TRANK1: variants seen among roughly 807,000 people sequenced by gnomAD.
The protein encoded by TRANK1 is TPR and ankyrin repeat-containing protein 1.
TRANK1 carries 198 observed loss-of-function variants against 266.0 expected under a neutral mutation model. The observed-to-expected ratio is 0.74, with a 90% CI of 0.66 to 0.84. The LOEUF is 0.84. Among genes scored for constraint, TRANK1 ranks in the 40% least tolerant of loss-of-function variants. The pLI is 0.00. For synonymous variants in TRANK1, 1,396 were observed against 1,384.1 expected (o/e 1.01, Z -0.19); for missense variants, 3,326 against 3,634.6 (o/e 0.92, Z 2.18).
At chr3:36,861,993 C>T (rs1251124762) in intron 10 of TRANK1, among the ~76,000 whole-genome samples, 1 of 152,176 alleles carries the variant, frequency 6.6e-6, no homozygotes, top group Non-Finnish European at 1.5e-5. Context: ...GCGTGAGCCA[C>T]TGCACCCGGC....
At position 36,855,155 on chromosome 3, in the gene TRANK1, C is replaced by T; in HGVS notation, c.4549+18G>A. On this transcript the variant is annotated intron_variant, in intron 13 of 23. Coordinates refer to ENST00000645898, the MANE Select transcript of TRANK1 (RefSeq NM_001329998.2). ...TGCCTAAGCACCCCCAGTAGGCAAA[C>T]CCAAGAGCTGGACTTACCTGAGTGG... The T allele has an allele frequency of 2.5e-6, 4 of 1,590,068 alleles. No homozygotes were observed. Among genetic ancestry groups the T allele is most frequent in the Non-Finnish European group, 3.4e-6 (4 of 1,164,540 alleles).
At chr3:36,874,648 C>T (rs1373969160) in intron 8 of TRANK1, among the ~76,000 whole-genome samples, 1 of 152,106 alleles carries the variant, frequency 6.6e-6, no homozygotes, top group African/African-American at 2.4e-5. Flanking sequence ...TCTTTATTCC[C>T]TAGAGAGGAA....
chr3:36,883,637 T>C (rs2079562540), intron 8 of TRANK1, among the ~76,000 whole-genome samples: 1 of 151,708 alleles, frequency 6.6e-6, no homozygotes, highest in Non-Finnish European at 1.5e-5. Context: ...TGATTATCTA[T>C]AAGGCTGGAT....
chr3:36,892,394 G>T (rs1285609832), intron 6 of TRANK1, 54 bp from the exon 7 acceptor site: 4 of 1,528,684 alleles, frequency 2.6e-6, no homozygotes, highest in Non-Finnish European at 3.5e-6. Flanking sequence ...TCAATATGAA[G>T]CTTCAAACTC....
intron 15 of TRANK1, chr3:36,850,665 G>A: frequency 1.2e-6 from 1 of 869,140 alleles, no homozygotes; most frequent in Non-Finnish European, 1.4e-6. Context: ...TATAACCTCA[G>A]AGGGTTGGTG....
At chr3:36,941,102 A>G (rs550432201) in intron 1 of TRANK1, among the ~76,000 whole-genome samples, 1 of 152,312 alleles carries the variant, frequency 6.6e-6, no homozygotes, top group Non-Finnish European at 1.5e-5. Context: ...TTCTTGCCCC[A>G]GTGAATGAAG....
At chr3:36,941,715 TGTAACCA>T (rs1413010207) in intron 1 of TRANK1, among the ~76,000 whole-genome samples, 1 of 152,250 alleles carries the variant, frequency 6.6e-6, no homozygotes, top group East Asian at 1.9e-4. Flanking sequence ...TCCCCATCGC[TGTAACCA>T]GCCCGACTAT....
rs558762152 is a variant in TRANK1, at chr3:36,849,901, A to T, written c.4887+1818T>A. 3 of 462,324 alleles carry T rather than the reference A, an allele frequency of 6.5e-6. No homozygotes were observed. The East Asian group carries it at 4.6e-4, about 72-fold the overall frequency. The allele number at this position is 462,324 out of a possible 1,614,324, so 28.6% of individuals were successfully genotyped here. A position where few individuals can be genotyped will look rare whatever the true frequency, so the allele number is the denominator to read the frequency against. On this transcript the variant is annotated intron_variant, in intron 15 of 23. Coordinates refer to ENST00000645898, the MANE Select transcript of TRANK1 (RefSeq NM_001329998.2). ...TTACTGTGTACACAGGATGAAGTGG[A>T]TGTTTACAAAAGATTCTGTTTGGGA...
At chr3:36,897,272 T>C (rs1236372932) in intron 4 of TRANK1, among the ~76,000 whole-genome samples, 2 of 152,128 alleles carry the variant, frequency 1.3e-5, no homozygotes, top group African/African-American at 4.8e-5. Context: ...GCCACTGCAC[T>C]CCAGCCTGGC....
At chr3:36,923,700 G>C (rs1269283472) in intron 1 of TRANK1, among the ~76,000 whole-genome samples, 1 of 152,088 alleles carries the variant, frequency 6.6e-6, no homozygotes, top group Admixed American at 6.6e-5. Context: ...TCTCCAGTCA[G>C]CACCCTCCGA....
intron 13 of TRANK1, among the ~76,000 whole-genome samples, chr3:36,852,775 T>TAAA (rs761417309): frequency 3.3e-5 from 4 of 120,222 alleles, no homozygotes; most frequent in South Asian, 2.7e-4. Context: ...CCATCTCAAT[T>TAAA]AAAAAAAAAA....
At chr3:36,889,325 C>T (rs576015963) in intron 8 of TRANK1, among the ~76,000 whole-genome samples, 10 of 152,304 alleles carry the variant, frequency 6.6e-5, no homozygotes, top group African/African-American at 2.4e-4. Flanking sequence ...ACATGGTGCA[C>T]CGGTGTCAGA....
At chr3:36,932,296 T>C (rs1340601621) in intron 1 of TRANK1, among the ~76,000 whole-genome samples, 1 of 152,010 alleles carries the variant, frequency 6.6e-6, no homozygotes, top group Non-Finnish European at 1.5e-5. Flanking sequence ...CACAGCAGAG[T>C]GCAGTGGCTC....
chr3:36,880,015 C>T (rs183946369), intron 8 of TRANK1, among the ~76,000 whole-genome samples: 5 of 20,592 alleles, frequency 2.4e-4, no homozygotes, highest in Non-Finnish European at 2.8e-4. Flanking sequence ...TATATGTAAA[C>T]ATGCAAATAT....
chr3:36,901,318 C>G (rs999064737), intron 3 of TRANK1, among the ~76,000 whole-genome samples: 2 of 152,016 alleles, frequency 1.3e-5, no homozygotes, highest in Non-Finnish European at 2.9e-5. Context: ...GTTTTATGGC[C>G]ATGAAGAAGA....
At chr3:36,940,102 G>A (rs1359354172) in intron 1 of TRANK1, among the ~76,000 whole-genome samples, 1 of 151,508 alleles carries the variant, frequency 6.6e-6, no homozygotes, top group East Asian at 2.0e-4. Flanking sequence ...GTGTTGGCCA[G>A]GCTGGTCTCG....
intron 9 of TRANK1, among the ~76,000 whole-genome samples, chr3:36,867,513 C>T (rs956975739): frequency 2.6e-5 from 4 of 152,212 alleles, no homozygotes; most frequent in Non-Finnish European, 5.9e-5. Flanking sequence ...TTGCTAAATA[C>T]TGACAAATGG....
At chr3:36,924,179 T>A (rs1161935908) in intron 1 of TRANK1, among the ~76,000 whole-genome samples, 1 of 152,176 alleles carries the variant, frequency 6.6e-6, no homozygotes, top group Non-Finnish European at 1.5e-5. Context: ...TTTACCCTTT[T>A]TTCCTCGTAC....
At chr3:36,909,359 G>C (rs568835229) in intron 1 of TRANK1, among the ~76,000 whole-genome samples, 1 of 152,288 alleles carries the variant, frequency 6.6e-6, no homozygotes, top group African/African-American at 2.4e-5. Context: ...TGGCAGCCCT[G>C]ACCACATGGG....
Sources: gnomAD v4.1 joint callset for allele counts (sites outside exome capture counted in the v4.1 genomes callset) on GRCh38, gnomAD v4.1.1 for gene constraint, MANE v1.5 for transcripts, NCBI Gene and HGNC (gene_info 2026-07-23, HGNC 2026-07-21) for gene names.